Variants in GSG1L observed in about 807,000 individuals in gnomAD.
The protein encoded by GSG1L is germ cell-specific gene 1-like protein.
Under a neutral mutation model 42.1 loss-of-function variants are expected in GSG1L, and 24 were observed. The observed-to-expected ratio is 0.57, with a 90% confidence interval of 0.41 to 0.80. The LOEUF is 0.80. Ranked by LOEUF, GSG1L falls within the 30% of genes least tolerant of loss-of-function variation. The pLI, the probability that GSG1L is intolerant of heterozygous loss-of-function variation, is 0.00. For missense variants in GSG1L, 445 were observed against 472.2 expected (o/e 0.94, Z 0.53); for synonymous variants, 215 against 203.5 (o/e 1.06, Z -0.48).
intron 3 of GSG1L, among the ~76,000 whole-genome samples, chr16:27,867,594 T>C (rs1407201470): frequency 6.6e-6 from 1 of 152,192 alleles, no homozygotes; most frequent in Non-Finnish European, 1.5e-5. Context: ...TGTCAGAGAC[T>C]CCAGGAGCTC....
At chr16:27,888,470 C>CTCTT (rs1567505783) in intron 2 of GSG1L, among the ~76,000 whole-genome samples, 4 of 53,032 alleles carry the variant, frequency 7.5e-5, no homozygotes, top group Admixed American at 2.7e-4. Context: ...CTTTCTCTCT[C>CTCTT]TCTCTCTCTT....
chr16:28,061,753 T>G lies in GSG1L; in HGVS notation c.349+1323A>C, dbSNP rs570430752. 2.1e-3 allele frequency among the ~76,000 whole-genome samples: 318 copies of G among 152,184 alleles called. 1 individual carries two copies. The highest frequency in any genetic ancestry group is 3.8e-3 in the Non-Finnish European group (257 of 67,996). On this transcript the variant is annotated intron_variant, in intron 1 of 6. Coordinates refer to ENST00000447459, the MANE Select transcript of GSG1L (RefSeq NM_001109763.2). ...TAAACGCAGTGGTGAGATCCAAAGA[T>G]GGAGACCCTCCCTCCAACGGGGAGC...
intron 2 of GSG1L, among the ~76,000 whole-genome samples, chr16:27,919,323 C>G (rs1449779471): frequency 6.6e-6 from 1 of 152,188 alleles, no homozygotes; most frequent in African/African-American, 2.4e-5. Context: ...TCATGGCCAT[C>G]ATGGCTGCCC....
chr16:27,828,190 C>T (rs1213794052), intron 5 of GSG1L, among the ~76,000 whole-genome samples: 2 of 152,058 alleles, frequency 1.3e-5, no homozygotes, highest in Non-Finnish European at 2.9e-5. Flanking sequence ...TCTGTCTATC[C>T]ATCTACCCAT....
At chr16:27,874,541 C>T (rs1250553178) in intron 3 of GSG1L, among the ~76,000 whole-genome samples, 2 of 145,902 alleles carry the variant, frequency 1.4e-5, no homozygotes, top group Non-Finnish European at 3.0e-5. Context: ...TCCTCAACCT[C>T]CCAGGCTCAA....
At position 27,850,439 on chromosome 16, in the gene GSG1L, T is replaced by C. The variant is rs545076761; in HGVS notation, c.551-5378A>G. On this transcript the variant is annotated intron_variant, in intron 3 of 6. Coordinates refer to ENST00000447459, the MANE Select transcript of GSG1L (RefSeq NM_001109763.2). ...GACTTAAATGCGTGAATCATCTGCA[T>C]GCGAATGATAAATAACACAATGTGC... 5.4e-5 allele frequency: 24 copies of C among 447,676 alleles called. 1 individual carries two copies. The highest frequency in any genetic ancestry group is 1.8e-4 in the African/African-American group (9 of 49,796). 27.7% of individuals were successfully genotyped at this position (447,676 alleles called of 1,614,324 possible).
At chr16:28,061,505 C>T (rs1015923170) in intron 1 of GSG1L, among the ~76,000 whole-genome samples, 7 of 152,048 alleles carry the variant, frequency 4.6e-5, no homozygotes, top group Non-Finnish European at 8.8e-5. Flanking sequence ...GAGGCAGCAC[C>T]GCAGGAAGCC....
chr16:27,952,089 G>T (rs1243708056), intron 2 of GSG1L, among the ~76,000 whole-genome samples: 1 of 152,210 alleles, frequency 6.6e-6, no homozygotes, highest in Non-Finnish European at 1.5e-5. Context: ...AACCCAGGTG[G>T]GTCAGAGGAG....
chr16:27,849,271 C>T (rs927687941), intron 3 of GSG1L, among the ~76,000 whole-genome samples: 2 of 150,624 alleles, frequency 1.3e-5, no homozygotes, highest in African/African-American at 4.9e-5. Flanking sequence ...GAAAGGCAGG[C>T]AGGAGCAGGG....
chr16:27,960,814 C>A (rs923740010), intron 2 of GSG1L, among the ~76,000 whole-genome samples: 1 of 152,038 alleles, frequency 6.6e-6, no homozygotes, highest in East Asian at 1.9e-4. Flanking sequence ...TCATTCAGCA[C>A]CTCAGTGGCA....
chr16:27,885,788 G>A (rs1434136452), intron 2 of GSG1L, among the ~76,000 whole-genome samples: 1 of 152,232 alleles, frequency 6.6e-6, no homozygotes, highest in Non-Finnish European at 1.5e-5. Context: ...GGTTCCAGCT[G>A]TTCCTGAAGA....
At chr16:27,985,404 C>G (rs1424549374) in intron 1 of GSG1L, among the ~76,000 whole-genome samples, 1 of 152,182 alleles carries the variant, frequency 6.6e-6, no homozygotes, top group Non-Finnish European at 1.5e-5. Flanking sequence ...CTAGCTCTCT[C>G]TCTCACCATG....
At chr16:28,007,105 T>C (rs2085649721) in intron 1 of GSG1L, among the ~76,000 whole-genome samples, 1 of 152,202 alleles carries the variant, frequency 6.6e-6, no homozygotes, top group African/African-American at 2.4e-5. Context: ...GAAGTCCACG[T>C]CCTAATCCTC....
At chr16:27,965,210 G>T (rs1183834880) in intron 1 of GSG1L, among the ~76,000 whole-genome samples, 1 of 151,832 alleles carries the variant, frequency 6.6e-6, no homozygotes, top group Non-Finnish European at 1.5e-5. Flanking sequence ...GTAAAGATGG[G>T]ATTTCTCCAT....
intron 4 of GSG1L, among the ~76,000 whole-genome samples, chr16:27,835,645 C>A (rs933262611): frequency 6.0e-5 from 9 of 150,876 alleles, no homozygotes; most frequent in African/African-American, 2.2e-4. Flanking sequence ...TTTGATTTAT[C>A]TATAGTTATT....
intron 2 of GSG1L, among the ~76,000 whole-genome samples, chr16:27,921,553 C>T (rs529799183): frequency 1.3e-5 from 2 of 152,298 alleles, no homozygotes; most frequent in African/African-American, 4.8e-5. Context: ...CCCACCATTC[C>T]CCAAAAGAGA....
At chr16:27,855,882 C>G (rs1350371857) in intron 3 of GSG1L, among the ~76,000 whole-genome samples, 2 of 152,036 alleles carry the variant, frequency 1.3e-5, no homozygotes, top group Non-Finnish European at 1.5e-5. Context: ...AGAGCCTACA[C>G]CGGGTGCTCT....
chr16:27,852,514 C>A (rs2083526796), intron 3 of GSG1L, among the ~76,000 whole-genome samples: 1 of 151,762 alleles, frequency 6.6e-6, no homozygotes, highest in Non-Finnish European at 1.5e-5. Flanking sequence ...GATATAGCAG[C>A]TGAGAGTGGA....
rs146654586 is a variant in GSG1L at position 27,803,862 on chromosome 16, G to C, written c.898+3625C>G. Among the ~76,000 whole-genome samples the C allele has an allele frequency of 1.0e-3, 156 of 149,600 alleles. 1 individual carries two copies. Among genetic ancestry groups the C allele is most frequent in the African/African-American group, 3.7e-3 (150 of 40,736 alleles). On this transcript the variant is annotated intron_variant, in intron 6 of 6. Coordinates refer to ENST00000447459, the MANE Select transcript of GSG1L (RefSeq NM_001109763.2). ...ATATAGATAGATAGATGGTAGATAG[G>C]ATAGATAGGATCTGTAGATAGATGA...
Sources: allele counts gnomAD v4.1 joint callset (sites outside exome capture counted in the v4.1 genomes callset), GRCh38; gene constraint gnomAD v4.1.1; transcripts MANE v1.5; gene names NCBI Gene and HGNC (gene_info 2026-07-23, HGNC 2026-07-21).